The following LECT2 variants were observed in gnomAD, a reference collection of about 807,000 sequenced individuals.
The protein encoded by LECT2 is leukocyte cell-derived chemotaxin-2.
A neutral mutation model predicts 16.6 loss-of-function variants in LECT2; 11 were observed. The observed-to-expected ratio is 0.66, with a 90% CI of 0.42 to 1.09. The LOEUF is 1.09. Ranked by LOEUF, LECT2 falls within the 50% of genes least tolerant of loss-of-function variation. LECT2 has a pLI of 0.00. For synonymous variants in LECT2, 54 were observed against 64.8 expected (o/e 0.83, Z 0.80); for missense variants, 173 against 184.2 (o/e 0.94, Z 0.35).
chr5:135,950,312 A>G (rs1225229322), intron 3 of LECT2, among the ~76,000 whole-genome samples: 4 of 152,232 alleles, frequency 2.6e-5, no homozygotes, highest in Non-Finnish European at 2.9e-5. Flanking sequence ...AAACTGCATA[A>G]TCACGATGTG....
chr5:135,948,974 C>T (rs147639774), intron 3 of LECT2, among the ~76,000 whole-genome samples: 4 of 151,954 alleles, frequency 2.6e-5, no homozygotes, highest in Non-Finnish European at 5.9e-5. Context: ...CGTGCCCAGC[C>T]GAAAATTTAA....
At chr5:135,952,316 T>C (rs1174732267) in intron 2 of LECT2, among the ~76,000 whole-genome samples, 1 of 152,228 alleles carries the variant, frequency 6.6e-6, no homozygotes, top group Non-Finnish European at 1.5e-5. Flanking sequence ...CAAGGTGATG[T>C]TGGGTATAAC....
chr5:135,951,338 G>A lies in LECT2; in HGVS notation c.174C>T (p.Ile58=), dbSNP rs111394715. 5.3e-5 allele frequency: 85 copies of A among 1,613,952 alleles called. 1 individual carries two copies. The African/African-American group carries it at 7.2e-4, about 14-fold the overall frequency. Residue 58 remains isoleucine (I), a synonymous_variant, in exon 3 of 4, where the codon ATC becomes ATT. Coordinates refer to ENST00000274507, the MANE Select transcript of LECT2 (RefSeq NM_002302.3). ...RSQRPHQGVD[I]LCSAGSTVYA... is the part of the protein sequence containing the mutation. The stretch of plus-strand genomic sequence containing the variant: ...ACACAGTAGATCCAGCAGAGCACAA[G>A]ATGTCCACACCCTGGTGAGGCCTCT...
At chr5:135,951,137 A>G (rs1288956123) in intron 3 of LECT2, 86 bp downstream of exon 3, 1 of 1,307,328 alleles carries the variant, frequency 7.6e-7, no homozygotes, top group Non-Finnish European at 1.1e-6. Flanking sequence ...AAGAAGTACA[A>G]AATCTCTACG....
intron 2 of LECT2, among the ~76,000 whole-genome samples, chr5:135,951,845 A>G (rs1763801208): frequency 6.6e-6 from 1 of 152,230 alleles, no homozygotes; most frequent in African/African-American, 2.4e-5. Flanking sequence ...GTATTTTAAT[A>G]CAATGAGTGA....
chr5:135,947,323 C>A lies in LECT2; in HGVS notation c.*8G>T, dbSNP rs759281860. The A allele has an allele frequency of 6.2e-7, 1 of 1,611,150 alleles. No individual in the cohort carries two copies. The highest frequency in any genetic ancestry group is 1.3e-5 in the African/African-American group (1 of 74,804). On this transcript the variant is annotated 3_prime_UTR_variant, in exon 4 of 4. Coordinates refer to ENST00000274507, the MANE Select transcript of LECT2 (RefSeq NM_002302.3). ...TTTATTTTGAAGATCTGACCATTGG[C>A]CTTCGATTTACAGGTATGCAGTAGG...
At chr5:135,952,337 C>T (rs1684942480) in intron 2 of LECT2, among the ~76,000 whole-genome samples, 2 of 152,182 alleles carry the variant, frequency 1.3e-5, no homozygotes, top group African/African-American at 4.8e-5. Flanking sequence ...TGAAAATTCA[C>T]AAGTGTGACC....
At chr5:135,951,443 G>T (rs1763796212) in intron 2 of LECT2, 75 bp from the exon 3 acceptor site, 2 of 1,382,040 alleles carry the variant, frequency 1.4e-6, no homozygotes, top group Non-Finnish European at 9.9e-7. Context: ...CATGGTGTTA[G>T]CCCACTGTTT....
intron 1 of LECT2, among the ~76,000 whole-genome samples, chr5:135,953,518 G>T (rs1313920199): frequency 6.6e-6 from 1 of 152,126 alleles, no homozygotes; most frequent in Non-Finnish European, 1.5e-5. Context: ...TTCTTTATAA[G>T]CATTGGCCTC....
At position 135,947,324 on chromosome 5, in the gene LECT2, C is replaced by T. The variant is rs769458350; in HGVS notation, c.*7G>A. 9 of 1,611,064 alleles carry T rather than the reference C, an allele frequency of 5.6e-6. No individual in the cohort carries two copies. In the African/African-American group the frequency reaches 9.4e-5, roughly 17 times the overall value. On this transcript the variant is annotated 3_prime_UTR_variant, in exon 4 of 4. Transcript: ENST00000274507. The stretch of plus-strand genomic sequence containing the variant: ...TTATTTTGAAGATCTGACCATTGGC[C>T]TTCGATTTACAGGTATGCAGTAGGG...
chr5:135,947,373 G>A lies in LECT2; in HGVS notation c.414C>T (p.His138=). The A allele has an allele frequency of 6.2e-7, 1 of 1,614,044 alleles. No homozygotes were observed. Among genetic ancestry groups the A allele is most frequent in the Non-Finnish European group, 8.5e-7 (1 of 1,179,932 alleles). Residue 138 remains histidine (H), a synonymous_variant, in exon 4 of 4, where the codon CAC becomes CAT. Coordinates refer to ENST00000274507, the MANE Select transcript of LECT2 (RefSeq NM_002302.3). The stretch of plus-strand genomic sequence containing the variant: ...GGTCACTCGAGTCACAGTTTTCAAT[G>A]TGCACATGCGATTGTATGCCAGGAT... ...KVYPGIQSHV[H]IENCDSSDPT...
chr5:135,954,653 A>G, intron 1 of LECT2, 135 bp downstream of exon 1: 1 of 652,978 alleles, frequency 1.5e-6, no homozygotes, highest in Non-Finnish European at 2.8e-6. Flanking sequence ...TGTCATTCCT[A>G]TTTCATTTTT....
intron 3 of LECT2, among the ~76,000 whole-genome samples, chr5:135,949,197 T>C (rs1178056726): frequency 2.6e-5 from 4 of 152,236 alleles, no homozygotes; most frequent in African/African-American, 9.6e-5. Flanking sequence ...CTCACTACTT[T>C]AAAAATATTA....
chr5:135,954,948 T>A lies in LECT2; in HGVS notation c.-115A>T. 1.3e-6 allele frequency: 1 copy of A among 763,078 alleles called. No homozygotes were observed. The highest frequency in any genetic ancestry group is 1.7e-5 in the South Asian group (1 of 57,382). 47.3% of individuals were successfully genotyped at this position (763,078 alleles called of 1,614,324 possible). ...AGCTATTTAGCCTTAGAATTCTGCATCTCTCATTTCTTTAGTGTGAGACAC... is the reference window on the plus strand; with the variant it reads ...AGCTATTTAGCCTTAGAATTCTGCAACTCTCATTTCTTTAGTGTGAGACAC... On this transcript the variant is annotated 5_prime_UTR_variant, in exon 1 of 4. The change abolishes an upstream ATG in the 5' untranslated region. Coordinates refer to ENST00000274507, the MANE Select transcript of LECT2 (RefSeq NM_002302.3).
At chr5:135,951,431 A>G in intron 2 of LECT2, 63 bp from the exon 3 acceptor site, 1 of 1,485,330 alleles carries the variant, frequency 6.7e-7, no homozygotes, top group South Asian at 1.2e-5. Context: ...ACTGCCTGGG[A>G]ACATGGTGTT....
rs780704502 is a variant in LECT2 at position 135,951,318 on chromosome 5, G to A, written c.194C>T (p.Thr65Ile). Residue 65 changes from threonine (T) to isoleucine (I), a missense_variant, in exon 3 of 4, where the codon ACT (threonine) becomes ATT (isoleucine). Physicochemically the swap from Thr to Ile is moderately conservative, Grantham distance 89. Coordinates refer to ENST00000274507, the MANE Select transcript of LECT2 (RefSeq NM_002302.3). ...CATTCCAGTGAATGGTGCGTACACA[G>A]TAGATCCAGCAGAGCACAAGATGTC... ...GVDILCSAGS[T>I]VYAPFTGMIV... The A allele has an allele frequency of 6.2e-7, 1 of 1,613,904 alleles. No individual in the cohort carries two copies. Among genetic ancestry groups the A allele is most frequent in the Non-Finnish European group, 8.5e-7 (1 of 1,179,770 alleles).
In LECT2 at chr5:135,947,276, A is replaced by T; in HGVS notation, c.*55T>A. On this transcript the variant is annotated 3_prime_UTR_variant, in exon 4 of 4. Coordinates refer to ENST00000274507, the MANE Select transcript of LECT2 (RefSeq NM_002302.3). ...AAATTTCTTGAAGAGAAGGGTATGCATCCAGGTTTTTAAGATGACTTTTTA... is the reference window on the plus strand; with the variant it reads ...AAATTTCTTGAAGAGAAGGGTATGCTTCCAGGTTTTTAAGATGACTTTTTA... 6.5e-7 allele frequency: 1 copy of T among 1,548,742 alleles called. No homozygotes were observed. Among genetic ancestry groups the T allele is most frequent in the Non-Finnish European group, 8.9e-7 (1 of 1,126,462 alleles).
intron 2 of LECT2, 26 bp downstream of exon 2, chr5:135,952,845 G>A (rs763885618): frequency 6.5e-7 from 1 of 1,534,518 alleles, no homozygotes; most frequent in Non-Finnish European, 9.0e-7. Context: ...CCAAAGGGTT[G>A]GGTGGGTGGT....
Position 135,947,410 on chromosome 5 carries a change from A to C in LECT2, c.377T>G (p.Leu126Trp), listed in dbSNP as rs867886334. Reference protein sequence around the residue: ...KGEKLGTLLPLQKVYPGIQSH... With the variant: ...KGEKLGTLLPWQKVYPGIQSH... ...TTGTATGCCAGGATAAACTTTCTGC[A>C]AGGGCAATAGAGTTCCAAGTTTTTC... The change falls in exon 4 of 4, where the codon TTG (leucine) becomes TGG (tryptophan). Residue 126 changes from leucine (L) to tryptophan (W), a missense_variant. Leu to Trp is a moderately conservative substitution (Grantham distance 61, BLOSUM62 -2). Transcript: ENST00000274507. 1 of 1,614,004 alleles carries C rather than the reference A, an allele frequency of 6.2e-7. No individual in the cohort carries two copies. The highest frequency in any genetic ancestry group is 1.3e-5 in the African/African-American group (1 of 74,944).
Sources: allele counts gnomAD v4.1 joint callset (sites outside exome capture counted in the v4.1 genomes callset), GRCh38; gene constraint gnomAD v4.1.1; transcripts MANE v1.5; gene names NCBI Gene and HGNC (gene_info 2026-07-23, HGNC 2026-07-21).